The following TGFB1 variants were observed in gnomAD, a reference collection of about 807,000 sequenced individuals.
TGFB1 encodes transforming growth factor beta 1.
In TGFB1, 19 loss-of-function variants were observed where a neutral mutation model predicts 43.8. That is an observed-to-expected ratio of 0.43 (90% CI 0.30 to 0.64). The LOEUF (loss-of-function observed/expected upper bound fraction) is 0.64, where lower values mean the gene tolerates loss of function less well. Ranked by LOEUF, TGFB1 falls within the 30% of genes least tolerant of loss-of-function variation. The pLI is 0.11. For missense variants in TGFB1, 445 were observed against 529.8 expected (o/e 0.84, Z 1.57); for synonymous variants, 221 against 236.3 (o/e 0.94, Z 0.60).
At position 41,339,596 on chromosome 19, in the gene TGFB1, G is replaced by A. The variant is rs544237093; in HGVS notation, c.860+2287C>T. 3.9e-5 allele frequency among the ~76,000 whole-genome samples: 6 copies of A among 152,132 alleles called. No homozygotes were observed. The East Asian group carries it at 5.9e-4, about 15-fold the overall frequency. On this transcript the variant is annotated intron_variant, in intron 5 of 6. Transcript: ENST00000221930. ...TCCCAGCACTTTGGGAGGCCGAGGC[G>A]GGTGGATCACGAGGTCAGGAGTTCG...
At chr19:41,332,074 C>A in intron 6 of TGFB1, 54 bp downstream of exon 6, 1 of 1,582,716 alleles carries the variant, frequency 6.3e-7, no homozygotes, top group Non-Finnish European at 8.6e-7. Context: ...CTCTCCTCTT[C>A]CTCCGTCCTG....
At chr19:41,339,789 A>T (rs1448186232) in intron 5 of TGFB1, among the ~76,000 whole-genome samples, 3 of 152,088 alleles carry the variant, frequency 2.0e-5, no homozygotes, top group Non-Finnish European at 4.4e-5. Flanking sequence ...ACGCCACTGC[A>T]CTCCAGCCTG....
At chr19:41,342,817 A>G (rs945468830) in intron 3 of TGFB1, among the ~76,000 whole-genome samples, 13 of 151,684 alleles carry the variant, frequency 8.6e-5, no homozygotes, top group African/African-American at 3.2e-4. Flanking sequence ...CATCCGGCCT[A>G]CACGGCTACT....
At chr19:41,343,353 C>T (rs528203687) in intron 3 of TGFB1, among the ~76,000 whole-genome samples, 2 of 152,156 alleles carry the variant, frequency 1.3e-5, no homozygotes, top group Non-Finnish European at 2.9e-5. Context: ...AGGCTGGTCT[C>T]GAACTCCCGA....
intron 2 of TGFB1, 135 bp downstream of exon 2, chr19:41,348,160 T>G: frequency 2.0e-6 from 2 of 1,014,370 alleles, no homozygotes; most frequent in Non-Finnish European, 3.0e-6. Flanking sequence ...TCTAGGATTG[T>G]ATGGTTTGTG....
chr19:41,353,280 G>C lies in TGFB1; in HGVS notation c.-236C>G, dbSNP rs45616242. The C allele has an allele frequency of 2.7e-4, 139 of 524,410 alleles. No individual in the cohort carries two copies. The highest frequency in any genetic ancestry group is 1.3e-4 in the Non-Finnish European group (38 of 302,036). The allele number at this position is 524,410 out of a possible 1,614,324, so 32.5% of individuals were successfully genotyped here. A position where few individuals can be genotyped will look rare whatever the true frequency, so the allele number is the denominator to read the frequency against. On this transcript the variant is annotated 5_prime_UTR_variant, in exon 1 of 7. Transcript: ENST00000221930. The surrounding 1 kb of genome is among the most constrained non-coding windows in gnomAD (Gnocchi z 5.9). ...GCGATCTGGTACCAGAAGGTGGGTGGTCTTGAATAGGGGATCTGTGGCAGG... is the reference window on the plus strand; with the variant it reads ...GCGATCTGGTACCAGAAGGTGGGTGCTCTTGAATAGGGGATCTGTGGCAGG...
intron 2 of TGFB1, among the ~76,000 whole-genome samples, chr19:41,346,959 C>A (rs560611067): frequency 6.6e-6 from 1 of 152,222 alleles, no homozygotes; most frequent in African/African-American, 2.4e-5. Context: ...CTCCTGACCT[C>A]AAGTGATCCA....
In TGFB1 at chr19:41,353,431, G is replaced by T. The variant is rs11466316; in HGVS notation, c.-387C>A. ...GGTCTGGGGAAAAGTCTTTGCGGGA[G>T]GCCGGGTCGGCGACTCCCGAGGGCT... On this transcript the variant is annotated 5_prime_UTR_variant, in exon 1 of 7. Transcript: ENST00000221930. The surrounding 1 kb of genome is among the most constrained non-coding windows in gnomAD (Gnocchi z 5.9). 5.4e-6 allele frequency: 1 copy of T among 185,646 alleles called. No individual in the cohort carries two copies. The highest frequency in any genetic ancestry group is 1.1e-5 in the Non-Finnish European group (1 of 90,220). 11.5% of individuals were successfully genotyped at this position (185,646 alleles called of 1,614,324 possible).
At chr19:41,332,372 G>A in intron 5 of TGFB1, 91 bp from the exon 6 acceptor site, 1 of 1,496,662 alleles carries the variant, frequency 6.7e-7, no homozygotes, top group African/African-American at 1.4e-5. Flanking sequence ...TGTCACCCTA[G>A]GTTGCCCCCC....
At chr19:41,341,174 A>G (rs935500942) in intron 5 of TGFB1, among the ~76,000 whole-genome samples, 2 of 151,674 alleles carry the variant, frequency 1.3e-5, no homozygotes, top group African/African-American at 4.8e-5. Context: ...TACTAAAGAT[A>G]CAAAAAATTA....
chr19:41,352,630 C>T (rs1290343177), intron 1 of TGFB1, 60 bp downstream of exon 1: 2 of 1,588,558 alleles, frequency 1.3e-6, no homozygotes, highest in African/African-American at 1.3e-5. Context: ...ACCCGTGGCC[C>T]CGGCACTCCG....
intron 5 of TGFB1, among the ~76,000 whole-genome samples, chr19:41,335,287 C>A (rs1250058065): frequency 1.3e-5 from 2 of 152,122 alleles, no homozygotes; most frequent in African/African-American, 4.8e-5. Context: ...CTCCTGACCT[C>A]AGGTGACCCA....
chr19:41,335,433 T>C (rs772374964), intron 5 of TGFB1, among the ~76,000 whole-genome samples: 21 of 152,152 alleles, frequency 1.4e-4, no homozygotes, highest in Non-Finnish European at 2.9e-4. Context: ...GATACTGTTA[T>C]CCAAGTCAGC....
At chr19:41,346,074 G>A (rs917272707) in intron 2 of TGFB1, among the ~76,000 whole-genome samples, 1 of 152,006 alleles carries the variant, frequency 6.6e-6, no homozygotes, top group Non-Finnish European at 1.5e-5. Flanking sequence ...TTCTGGGCCA[G>A]GCACAGTCGC....
rs2038073541 is a variant in TGFB1 at position 41,342,785 on chromosome 19, G to A, written c.635-538C>T. Among the ~76,000 whole-genome samples the A allele has an allele frequency of 3.3e-5, 5 of 152,224 alleles. No individual in the cohort carries two copies. In the South Asian group the frequency reaches 1.0e-3, roughly 32 times the overall value. ...CCTGCCTTGGCATCCCAAAGTGCTG[G>A]GATTACAGGCTTGAGCCACTGCATC... is the stretch of plus-strand genomic sequence containing the variant. On this transcript the variant is annotated intron_variant, in intron 3 of 6. Transcript: ENST00000221930.
intron 5 of TGFB1, among the ~76,000 whole-genome samples, chr19:41,333,735 C>G (rs1433357294): frequency 1.3e-5 from 2 of 152,192 alleles, no homozygotes; most frequent in African/African-American, 4.8e-5. Context: ...GTCTGGAATG[C>G]AGTAGGTACT....
rs199838065 is a variant in TGFB1 at position 41,344,731 on chromosome 19, C to T, written c.634+16G>A. 1.8e-5 allele frequency: 29 copies of T among 1,610,664 alleles called. No homozygotes were observed. Among genetic ancestry groups the T allele is most frequent in the Non-Finnish European group, 2.5e-5 (29 of 1,177,424 alleles). ...CCCAGGGAGAAACAGGGGTGGGACA[C>T]ACAAGTAATCCTCACCTCCACGGCT... On this transcript the variant is annotated intron_variant, in intron 3 of 6. Coordinates refer to ENST00000221930, the MANE Select transcript of TGFB1 (RefSeq NM_000660.7).
At chr19:41,343,056 C>G (rs537494152) in intron 3 of TGFB1, among the ~76,000 whole-genome samples, 1 of 152,308 alleles carries the variant, frequency 6.6e-6, no homozygotes, top group Admixed American at 6.5e-5. Flanking sequence ...CAGATGAGCT[C>G]CTTCTAGGCC....
Position 41,331,624 on chromosome 19 carries a change from G to A in TGFB1, c.1015-414C>T, listed in dbSNP as rs1253432529. Among the ~76,000 whole-genome samples the A allele has an allele frequency of 3.6e-5, 5 of 140,728 alleles. No homozygotes were observed. In the East Asian group the frequency reaches 1.0e-3, roughly 29 times the overall value. 92.3% of individuals were successfully genotyped at this position (140,728 alleles called of 152,430 possible). A position where few individuals can be genotyped will look rare whatever the true frequency, so the allele number is the denominator to read the frequency against. On this transcript the variant is annotated intron_variant, in intron 6 of 6. Coordinates refer to ENST00000221930, the MANE Select transcript of TGFB1 (RefSeq NM_000660.7). ...AGATGGGATCTCAGTCTGCTGCCTG[G>A]GCTACTCTCGAACTCCTGGGCTCAA...
Sources: gnomAD v4.1 joint callset for allele counts (sites outside exome capture counted in the v4.1 genomes callset) on GRCh38, gnomAD v4.1.1 for gene constraint, Gnocchi (gnomAD v3.1) non-coding constraint, MANE v1.5 for transcripts, NCBI Gene and HGNC (gene_info 2026-07-23, HGNC 2026-07-21) for gene names.